SLC23A2: variants seen among roughly 807,000 people sequenced by gnomAD.
The protein encoded by SLC23A2 is Na(+)/L-ascorbic acid transporter 2.
SLC23A2 carries 36 observed loss-of-function variants against 73.3 expected under a neutral mutation model. The observed-to-expected ratio is 0.49, with a 90% CI of 0.38 to 0.65. SLC23A2 has a LOEUF of 0.65. Among genes scored for constraint, SLC23A2 ranks in the 30% least tolerant of loss-of-function variants. The probability of loss-of-function intolerance (pLI) is 0.00; values close to 1 mark genes in which losing one functional copy is unlikely to be tolerated. For synonymous variants in SLC23A2, 343 were observed against 327.3 expected, an observed-to-expected ratio of 1.05 and a Z score of -0.52; for missense variants, 507 against 841.6, an observed-to-expected ratio of 0.60 and a Z score of 4.92.
chr20:4,925,054 A>T (rs969806677), intron 3 of SLC23A2, among the ~76,000 whole-genome samples: 38 of 152,094 alleles, frequency 2.5e-4, no homozygotes, highest in Non-Finnish European at 4.6e-4. Context: ...GCACAGTGGC[A>T]TGTGCCATAT....
At chr20:4,920,530 G>A (rs538209400) in intron 3 of SLC23A2, among the ~76,000 whole-genome samples, 3 of 152,234 alleles carry the variant, frequency 2.0e-5, no homozygotes, top group African/African-American at 7.2e-5. Flanking sequence ...ATTTGTAATA[G>A]CAAAACATTA....
chr20:4,963,772 C>G (rs1382471712), intron 2 of SLC23A2, among the ~76,000 whole-genome samples: 1 of 152,032 alleles, frequency 6.6e-6, no homozygotes, highest in Non-Finnish European at 1.5e-5. Context: ...CACTTGAACC[C>G]AGAAGGCGGA....
At chr20:4,952,103 C>CAAAAAAAAAAAAAAA (rs57832305) in intron 2 of SLC23A2, among the ~76,000 whole-genome samples, 2 of 40,532 alleles carry the variant, frequency 4.9e-5, no homozygotes, top group Non-Finnish European at 9.7e-5. Context: ...GACTCTGACT[C>CAAAAAAAAAAAAAAA]AAAAAAAAAA....
chr20:4,862,902 G>T lies in SLC23A2; in HGVS notation c.1362C>A (p.Gly454=). The T allele has an allele frequency of 6.2e-7, 1 of 1,610,022 alleles. No individual in the cohort carries two copies. ...NIGVLGITKV[G]SRRVIQCGAA... Reference sequence around the variant, plus strand: ...CTCCGCACTGTATCACGCGGCGGCTGCCGACCTGCAGAACACACAGGAGAC... The same window carrying T: ...CTCCGCACTGTATCACGCGGCGGCTTCCGACCTGCAGAACACACAGGAGAC... The change falls in exon 14 of 17, where the codon GGC becomes GGA. Residue 454 remains glycine (G), a synonymous_variant. Transcript: ENST00000338244. This position sits in a 1 kb window ranked among gnomAD's most constrained non-coding sequence, Gnocchi z 5.1.
chr20:4,960,567 T>C (rs1041408348), intron 2 of SLC23A2, among the ~76,000 whole-genome samples: 11 of 152,224 alleles, frequency 7.2e-5, no homozygotes, highest in African/African-American at 2.4e-4. Context: ...TTGGGAACAT[T>C]TTCCAGAGTG....
chr20:4,999,174 A>T (rs1196974480), intron 1 of SLC23A2, among the ~76,000 whole-genome samples: 1 of 152,220 alleles, frequency 6.6e-6, no homozygotes. Context: ...GTACCAGAAT[A>T]TAGGTCCCCA....
chr20:4,923,281 G>A (rs973181256), intron 3 of SLC23A2, among the ~76,000 whole-genome samples: 4 of 151,564 alleles, frequency 2.6e-5, no homozygotes, highest in African/African-American at 7.3e-5. Context: ...AGGGAGGGAG[G>A]ATGGATAAGG....
In SLC23A2 at chr20:4,862,124, C is replaced by T. The variant is rs773632354; in HGVS notation, c.1487-39G>A. On this transcript the variant is annotated intron_variant, in intron 14 of 16. Transcript: ENST00000338244. The surrounding 1 kb of genome is among the most constrained non-coding windows in gnomAD (Gnocchi z 5.1). ...AACCAGACCACAAGCTCCAGCACCACTACAGCGGGGACAGCTCAAGGCAGG... is the reference window on the plus strand; with the variant it reads ...AACCAGACCACAAGCTCCAGCACCATTACAGCGGGGACAGCTCAAGGCAGG... 6.2e-7 allele frequency: 1 copy of T among 1,610,234 alleles called. No homozygotes were observed. Among genetic ancestry groups the T allele is most frequent in the South Asian group, 1.1e-5 (1 of 90,530 alleles).
Position 4,868,344 on chromosome 20 carries a change from G to C in SLC23A2, c.1251-469C>G, listed in dbSNP as rs1044142758. On this transcript the variant is annotated intron_variant, in intron 12 of 16. Transcript: ENST00000338244. This position sits in a 1 kb window ranked among gnomAD's most constrained non-coding sequence, Gnocchi z 4.4. ...CTGCCTCAGCCTCCCAAAATGTTGG[G>C]ATTACAGGCGTGAGCCACTGTGCCC... Among the ~76,000 whole-genome samples the C allele has an allele frequency of 1.3e-5, 2 of 152,138 alleles. No homozygotes were observed. The highest frequency in any genetic ancestry group is 2.9e-5 in the Non-Finnish European group (2 of 68,026).
chr20:4,888,509 T>C (rs1012662954), intron 6 of SLC23A2, among the ~76,000 whole-genome samples: 1 of 152,130 alleles, frequency 6.6e-6, no homozygotes, highest in Non-Finnish European at 1.5e-5. Context: ...ACCAGCAACT[T>C]TGACATGACG....
intron 2 of SLC23A2, among the ~76,000 whole-genome samples, chr20:4,953,267 C>G (rs574459414): frequency 1.4e-3 from 219 of 152,146 alleles, no homozygotes; most frequent in Middle Eastern, 6.8e-3. Flanking sequence ...GATAGCGCCA[C>G]TGCACTCCAG....
rs10634743 is a variant in SLC23A2, at chr20:4,998,805, C to CTTTTT, written c.-282+2596_-282+2600dup. ...ATAATTTCAAATCATTACTGTTGAT[C>CTTTTT]TTTTTTTTTTTTTTTTTAGGAGACA... On this transcript the variant is annotated intron_variant, in intron 1 of 16. Coordinates refer to ENST00000338244, the MANE Select transcript of SLC23A2 (RefSeq NM_005116.6). The surrounding 1 kb of genome is among the most constrained non-coding windows in gnomAD (Gnocchi z 4.1). Among the ~76,000 whole-genome samples the CTTTTT allele has an allele frequency of 7.2e-6, 1 of 139,456 alleles. No homozygotes were observed. The highest frequency in any genetic ancestry group is 7.2e-5 in the Admixed American group (1 of 13,902). 91.5% of individuals were successfully genotyped at this position (139,456 alleles called of 152,430 possible).
chr20:4,931,572 C>T (rs1010170181), intron 3 of SLC23A2, among the ~76,000 whole-genome samples: 9 of 152,108 alleles, frequency 5.9e-5, no homozygotes, highest in Admixed American at 3.3e-4. Context: ...GACTACGCAA[C>T]ACAGTGAGAC....
chr20:4,995,504 G>C (rs770225287), intron 1 of SLC23A2, among the ~76,000 whole-genome samples: 1 of 152,044 alleles, frequency 6.6e-6, no homozygotes, highest in Non-Finnish European at 1.5e-5. Context: ...CACATCCTCA[G>C]CATCCTTCCA....
At position 4,860,898 on chromosome 20, in the gene SLC23A2, G is replaced by A. The variant is rs574137218; in HGVS notation, c.1624+1050C>T. Among the ~76,000 whole-genome samples, 314 of 152,244 alleles carry A rather than the reference G, an allele frequency of 2.1e-3. 1 individual carries two copies. Among genetic ancestry groups the A allele is most frequent in the African/African-American group, 6.6e-3 (275 of 41,532 alleles). Reference sequence around the variant, plus strand: ...TCTACTAAAAATACAAAAATTGACCGGGTGTGGTGGTGGGTGCCTATTATC... The same window carrying A: ...TCTACTAAAAATACAAAAATTGACCAGGTGTGGTGGTGGGTGCCTATTATC... On this transcript the variant is annotated intron_variant, in intron 15 of 16. Coordinates refer to ENST00000338244, the MANE Select transcript of SLC23A2 (RefSeq NM_005116.6).
intron 2 of SLC23A2, among the ~76,000 whole-genome samples, chr20:4,958,823 A>G (rs1187852118): frequency 6.6e-6 from 1 of 152,186 alleles, no homozygotes; most frequent in East Asian, 1.9e-4. Flanking sequence ...GAAAGAAAAA[A>G]AGATCATCCA....
At chr20:4,989,241 A>AC (rs2087885283) in intron 1 of SLC23A2, among the ~76,000 whole-genome samples, 1 of 151,834 alleles carries the variant, frequency 6.6e-6, no homozygotes, top group Non-Finnish European at 1.5e-5. Context: ...CGTCTCAAAA[A>AC]AAAAAAAAAG....
intron 1 of SLC23A2, among the ~76,000 whole-genome samples, chr20:4,979,590 A>G (rs998357664): frequency 3.3e-5 from 5 of 152,280 alleles, no homozygotes; most frequent in Middle Eastern, 3.4e-3. Context: ...TATAGAGACA[A>G]TAATATTGGA....
rs2122886012 is a variant in SLC23A2 at position 4,908,508 on chromosome 20, A to G, written c.207+4372T>C. On this transcript the variant is annotated intron_variant, in intron 4 of 16. Coordinates refer to ENST00000338244, the MANE Select transcript of SLC23A2 (RefSeq NM_005116.6). ...TTATTTATTTATTTTACAATAATGA[A>G]CATTATTTGGACAACTGAGGAAATG... Among the ~76,000 whole-genome samples the G allele has an allele frequency of 2.0e-5, 3 of 152,354 alleles. No homozygotes were observed. The South Asian group carries it at 6.2e-4, about 32-fold the overall frequency.
Sources: gnomAD v4.1 joint callset for allele counts (sites outside exome capture counted in the v4.1 genomes callset) on GRCh38, gnomAD v4.1.1 for gene constraint, Gnocchi (gnomAD v3.1) non-coding constraint, MANE v1.5 for transcripts, NCBI Gene and HGNC (gene_info 2026-07-23, HGNC 2026-07-21) for gene names.